The following PPARD variants were observed in gnomAD, a reference collection of about 807,000 sequenced individuals.
PPARD encodes peroxisome proliferator-activated receptor delta.
In PPARD, 6 loss-of-function variants were observed where a neutral mutation model predicts 39.5. That is an observed-to-expected ratio of 0.15 (90% CI 0.08 to 0.30). PPARD has a LOEUF of 0.30. PPARD is among the 10% of genes least tolerant of loss of function. The probability of loss-of-function intolerance (pLI) is 1.00; values close to 1 mark genes in which losing one functional copy is unlikely to be tolerated. For missense variants in PPARD, 397 were observed against 596.8 expected, an observed-to-expected ratio of 0.67 and a Z score of 3.49; for synonymous variants, 210 against 231.3, an observed-to-expected ratio of 0.91 and a Z score of 0.83.
chr6:35,368,913 T>G (rs968767365), intron 2 of PPARD, among the ~76,000 whole-genome samples: 3 of 152,206 alleles, frequency 2.0e-5, no homozygotes, highest in Non-Finnish European at 4.4e-5. Context: ...TCTGATTTAT[T>G]TGAAATATGA....
intron 2 of PPARD, among the ~76,000 whole-genome samples, chr6:35,397,052 T>C (rs1562204830): frequency 1.3e-5 from 2 of 152,122 alleles, no homozygotes; most frequent in Non-Finnish European, 2.9e-5. Context: ...TCCTCAGGAC[T>C]CAGCTGCCCT....
At chr6:35,388,710 T>C (rs1352566314) in intron 2 of PPARD, among the ~76,000 whole-genome samples, 3 of 151,784 alleles carry the variant, frequency 2.0e-5, no homozygotes, top group Non-Finnish European at 4.4e-5. Context: ...AGACTCTGTC[T>C]CAAACAAAAG....
intron 3 of PPARD, among the ~76,000 whole-genome samples, chr6:35,413,213 G>A (rs6942084): frequency 0.011 from 1,750 of 152,340 alleles, 46 homozygotes; most frequent in African/African-American, 0.039. Flanking sequence ...GGGGTAGGGT[G>A]AGGCAGGCAT....
rs1762233345 is a variant in PPARD, at chr6:35,366,890, T to C, written c.-102+19740T>C. On this transcript the variant is annotated intron_variant, in intron 2 of 7. Transcript: ENST00000360694. This position sits in a 1 kb window ranked among gnomAD's most constrained non-coding sequence, Gnocchi z 4.6. ...TTAGCTGCATATTCTTTCTTCGAAA[T>C]GACCACAAAAAGAAGGTATTACTGA... Among the ~76,000 whole-genome samples, 1 of 152,228 alleles carries C rather than the reference T, an allele frequency of 6.6e-6. No individual in the cohort carries two copies. The highest frequency in any genetic ancestry group is 1.5e-5 in the Non-Finnish European group (1 of 68,034).
Position 35,426,197 on chromosome 6 carries a change from G to T in PPARD, c.*118G>T. 7.1e-7 allele frequency: 1 copy of T among 1,407,754 alleles called. No individual in the cohort carries two copies. The allele number at this position is 1,407,754 out of a possible 1,614,324, so 87.2% of individuals were successfully genotyped here. ...CCGGCCTGGAGCAGCAGAGTCCCAC[G>T]ATCGCCCTCAGACACATGACACCCA... On this transcript the variant is annotated 3_prime_UTR_variant, in exon 8 of 8. Coordinates refer to ENST00000360694, the MANE Select transcript of PPARD (RefSeq NM_006238.5).
Position 35,348,797 on chromosome 6 carries a change from G to A in PPARD, c.-102+1647G>A, listed in dbSNP as rs918911652. 103 of 985,298 alleles carry A rather than the reference G, an allele frequency of 1.0e-4. 1 individual carries two copies. The African/African-American group carries it at 1.7e-3, about 16-fold the overall frequency. 61.0% of individuals were successfully genotyped at this position (985,298 alleles called of 1,614,324 possible). A position where few individuals can be genotyped will look rare whatever the true frequency, so the allele number is the denominator to read the frequency against. The stretch of plus-strand genomic sequence containing the variant: ...TTTCCTCTGAAGGGAATGTGAGGGA[G>A]GAAGAAGGGGGGAGTTTCAGAGACT... On this transcript the variant is annotated intron_variant, in intron 2 of 7. Transcript: ENST00000360694.
intron 1 of PPARD, among the ~76,000 whole-genome samples, chr6:35,345,874 G>GTTTT (rs947186291): frequency 2.3e-4 from 26 of 114,606 alleles, no homozygotes; most frequent in South Asian, 2.8e-4. Context: ...CTTTTTTTTC[G>GTTTT]TTTTTTTTTT....
At chr6:35,384,502 G>A (rs1581593359) in intron 2 of PPARD, among the ~76,000 whole-genome samples, 14 of 107,430 alleles carry the variant, frequency 1.3e-4, no homozygotes, top group East Asian at 2.8e-4. Flanking sequence ...TCAGCCCCCC[G>A]CCCGGCCAGC....
In PPARD at chr6:35,351,317, G is replaced by A. The variant is rs1450366217; in HGVS notation, c.-102+4167G>A. 3.3e-5 allele frequency among the ~76,000 whole-genome samples: 5 copies of A among 152,116 alleles called. 1 individual carries two copies. Among genetic ancestry groups the A allele is most frequent in the Admixed American group, 2.0e-4 (3 of 15,266 alleles). ...TGGGATTACAGATGTGAGCCACTGCGCCAGTCCCTTTAGATTCTTAAAAAT... is the reference window on the plus strand; with the variant it reads ...TGGGATTACAGATGTGAGCCACTGCACCAGTCCCTTTAGATTCTTAAAAAT... On this transcript the variant is annotated intron_variant, in intron 2 of 7. Coordinates refer to ENST00000360694, the MANE Select transcript of PPARD (RefSeq NM_006238.5).
At chr6:35,394,285 G>T (rs953219505) in intron 2 of PPARD, among the ~76,000 whole-genome samples, 8 of 152,218 alleles carry the variant, frequency 5.3e-5, no homozygotes, top group African/African-American at 1.9e-4. Flanking sequence ...TCCTGCCATG[G>T]CACCATGTCT....
In PPARD at chr6:35,426,129, G is replaced by A. The variant is rs1430336375; in HGVS notation, c.*50G>A. ...GACTCCAATGGGGCCAGCACTGGAG[G>A]GGCCCACCCACATGACTTTTCCATT... is the stretch of plus-strand genomic sequence containing the variant. On this transcript the variant is annotated 3_prime_UTR_variant, in exon 8 of 8. Transcript: ENST00000360694. The A allele has an allele frequency of 6.3e-7, 1 of 1,581,514 alleles. No homozygotes were observed. The highest frequency in any genetic ancestry group is 8.6e-7 in the Non-Finnish European group (1 of 1,168,042).
chr6:35,394,290 A>G (rs2150687449), intron 2 of PPARD, among the ~76,000 whole-genome samples: 1 of 152,284 alleles, frequency 6.6e-6, no homozygotes, highest in South Asian at 2.1e-4. Flanking sequence ...CCATGGCACC[A>G]TGTCTGTGCC....
At chr6:35,394,835 A>T (rs1252973082) in intron 2 of PPARD, among the ~76,000 whole-genome samples, 1 of 147,190 alleles carries the variant, frequency 6.8e-6, no homozygotes, top group Non-Finnish European at 1.5e-5. Flanking sequence ...AATGACCCCT[A>T]AGAGGTAACA....
chr6:35,380,194 C>A (rs1763053089), intron 2 of PPARD, among the ~76,000 whole-genome samples: 1 of 152,156 alleles, frequency 6.6e-6, no homozygotes, highest in Non-Finnish European at 1.5e-5. Context: ...GTTAGGTAGT[C>A]TATAGTCTCA....
In PPARD at chr6:35,427,656, A is replaced by C. The variant is rs1766666896; in HGVS notation, c.*1577A>C. 1 of 152,326 alleles carries C rather than the reference A, an allele frequency of 6.6e-6. No individual in the cohort carries two copies. 9.4% of individuals were successfully genotyped at this position (152,326 alleles called of 1,614,324 possible). A position where few individuals can be genotyped will look rare whatever the true frequency, so the allele number is the denominator to read the frequency against. ...GAGCAGGGCCAAAGCACAGCTGGGCATGCCATGTCTGAGCGGCGCAGAGCC... is the reference window on the plus strand; with the variant it reads ...GAGCAGGGCCAAAGCACAGCTGGGCCTGCCATGTCTGAGCGGCGCAGAGCC... On this transcript the variant is annotated 3_prime_UTR_variant, in exon 8 of 8. Transcript: ENST00000360694.
At chr6:35,407,406 C>T (rs1204768428) in intron 2 of PPARD, among the ~76,000 whole-genome samples, 2 of 152,036 alleles carry the variant, frequency 1.3e-5, no homozygotes, top group East Asian at 1.9e-4. Flanking sequence ...CCTTGTCACC[C>T]GTGCTGCTCC....
At chr6:35,358,890 G>T (rs995369194) in intron 2 of PPARD, among the ~76,000 whole-genome samples, 1 of 152,206 alleles carries the variant, frequency 6.6e-6, no homozygotes, top group African/African-American at 2.4e-5. Flanking sequence ...TCCTGCTCTC[G>T]TGGTAACTGA....
chr6:35,343,525 A>C (rs1791986136), intron 1 of PPARD, among the ~76,000 whole-genome samples: 1 of 151,966 alleles, frequency 6.6e-6, no homozygotes, highest in Non-Finnish European at 1.5e-5. Context: ...AGTTGACATA[A>C]CCATGGGGTG....
At chr6:35,414,418 G>A (rs758199525) in intron 3 of PPARD, among the ~76,000 whole-genome samples, 2 of 152,162 alleles carry the variant, frequency 1.3e-5, no homozygotes, top group East Asian at 1.9e-4. Flanking sequence ...AAAGGCAACT[G>A]TACTTTTTTT....
Sources: gnomAD v4.1 joint callset for allele counts (sites outside exome capture counted in the v4.1 genomes callset) on GRCh38, gnomAD v4.1.1 for gene constraint, Gnocchi (gnomAD v3.1) non-coding constraint, MANE v1.5 for transcripts, NCBI Gene and HGNC (gene_info 2026-07-23, HGNC 2026-07-21) for gene names.